Variants in COL22A1 observed in about 807,000 individuals in gnomAD.
COL22A1 encodes the protein collagen type XXII alpha 1 chain.
In COL22A1, 221 loss-of-function variants were observed where a neutral mutation model predicts 248.9. The observed-to-expected ratio is 0.89, with a 90% confidence interval of 0.80 to 0.99. The LOEUF (loss-of-function observed/expected upper bound fraction) is 0.99, where lower values mean the gene tolerates loss of function less well. Ranked by LOEUF, COL22A1 falls within the 50% of genes least tolerant of loss-of-function variation. The pLI, the probability that COL22A1 is intolerant of heterozygous loss-of-function variation, is 0.00. For missense variants in COL22A1, 2,240 were observed against 2,179.0 expected, an observed-to-expected ratio of 1.03 and a Z score of -0.56; for synonymous variants, 891 against 793.4, an observed-to-expected ratio of 1.12 and a Z score of -2.07.
rs1470306545 is a variant in COL22A1 at position 138,885,990 on chromosome 8, TTATA to T, written c.-72-2750_-72-2747del. On this transcript the variant is annotated intron_variant, in intron 1 of 64. Transcript: ENST00000303045. ...CTTGGTTTTCCAACAACCCATTAGG[TTATA>T]TCTATCCTCCAAATTTTGCCCACAG... is the stretch of plus-strand genomic sequence containing the variant. Among the ~76,000 whole-genome samples the T allele has an allele frequency of 2.8e-4, 42 of 152,154 alleles. 1 individual carries two copies.
At chr8:138,679,762 T>C (rs1825821424) in intron 39 of COL22A1, 86 bp from the exon 40 acceptor site, 2 of 1,175,982 alleles carry the variant, frequency 1.7e-6, no homozygotes, top group Non-Finnish European at 2.5e-6. Flanking sequence ...TGTTAGGTAC[T>C]GGATCTATGC....
At chr8:138,795,014 G>T (rs1318145139) in intron 12 of COL22A1, among the ~76,000 whole-genome samples, 4 of 152,016 alleles carry the variant, frequency 2.6e-5, no homozygotes, top group Admixed American at 2.0e-4. Context: ...CAACAGTACT[G>T]TACTGCACAC....
intron 30 of COL22A1, among the ~76,000 whole-genome samples, chr8:138,713,370 C>T (rs142837461): frequency 2.0e-5 from 3 of 152,212 alleles, no homozygotes; most frequent in African/African-American, 4.8e-5. Context: ...GGGGTTAAGA[C>T]GAAAATGACT....
chr8:138,690,863 T>TC lies in COL22A1; in HGVS notation c.2765dup (p.His923ThrfsTer31). On this transcript the variant is annotated frameshift_variant, in exon 36 of 65. Coordinates refer to ENST00000303045, the MANE Select transcript of COL22A1 (RefSeq NM_152888.3). LOFTEE classifies it high-confidence loss of function. The stretch of plus-strand genomic sequence containing the variant: ...CACTGGGACCGGGGGCACCGACATG[T>TC]CCGGGAGCACCCTGTTCAGAGACAG... The TC allele has an allele frequency of 1.2e-6, 2 of 1,610,720 alleles. No homozygotes were observed. The highest frequency in any genetic ancestry group is 8.5e-7 in the Non-Finnish European group (1 of 1,178,568).
At chr8:138,838,612 G>A (rs1305189501) in intron 4 of COL22A1, among the ~76,000 whole-genome samples, 1 of 146,202 alleles carries the variant, frequency 6.8e-6, no homozygotes, top group Admixed American at 7.0e-5. Context: ...AAAACAAAGA[G>A]TTGAATACAA....
At position 138,716,812 on chromosome 8, in the gene COL22A1, C is replaced by A; in HGVS notation, c.2400+13G>T. ...TGAATAAAATGAATGAATAAAAGCA[C>A]AAACAAACAGACCTTCTCTCCAGGT... On this transcript the variant is annotated intron_variant, in intron 28 of 64. Coordinates refer to ENST00000303045, the MANE Select transcript of COL22A1 (RefSeq NM_152888.3). 9 of 1,597,920 alleles carry A rather than the reference C, an allele frequency of 5.6e-6. No individual in the cohort carries two copies. The highest frequency in any genetic ancestry group is 7.7e-6 in the Non-Finnish European group (9 of 1,165,544).
intron 15 of COL22A1, 163 bp downstream of exon 15, chr8:138,778,190 C>A: frequency 1.3e-6 from 1 of 756,424 alleles, no homozygotes; most frequent in Admixed American, 2.1e-5. Context: ...ACTGTAACAT[C>A]TAATAATTTC....
rs141992049 is a variant in COL22A1 at position 138,821,233 on chromosome 8, G to A, written c.1148C>T (p.Ala383Val). 220 of 1,614,184 alleles carry A rather than the reference G, an allele frequency of 1.4e-4. No individual in the cohort carries two copies. The African/African-American group carries it at 1.6e-3, about 12-fold the overall frequency. ...AQNVSLHIDC[A>V]LVQTLPIEER... ...CTCGATGGGTAGTGTCTGCACCAGC[G>A]CACAGTCAATGTGCAGGGAGACGTT... The change falls in exon 7 of 65, where the codon GCG becomes GTG. Residue 383 changes from alanine to valine, a missense_variant. By Grantham distance (64) the Ala-to-Val change is moderately conservative (BLOSUM62 0). Transcript: ENST00000303045.
chr8:138,786,868 C>T (rs1350032019), intron 12 of COL22A1, among the ~76,000 whole-genome samples: 4 of 152,110 alleles, frequency 2.6e-5, no homozygotes, highest in Admixed American at 2.0e-4. Flanking sequence ...CATGCCACTG[C>T]ACTCCAGCCT....
At position 138,676,457 on chromosome 8, in the gene COL22A1, G is replaced by GAAA. The variant is rs1459299929; in HGVS notation, c.3150+100_3150+101insTTT. 1.3e-3 allele frequency: 760 copies of GAAA among 584,738 alleles called. 3 individuals are homozygous for GAAA. Among genetic ancestry groups the GAAA allele is most frequent in the African/African-American group, 8.4e-3 (427 of 51,120 alleles). 36.2% of individuals were successfully genotyped at this position (584,738 alleles called of 1,614,324 possible). On this transcript the variant is annotated intron_variant, in intron 41 of 64. Coordinates refer to ENST00000303045, the MANE Select transcript of COL22A1 (RefSeq NM_152888.3). ...AGAAAGAAAGAAAGAAAGAAAGAAAGGAAGAAAGAAAGAAAGAAAAGAGTG... is the reference window on the plus strand; with the variant it reads ...AGAAAGAAAGAAAGAAAGAAAGAAAGAAAGAAGAAAGAAAGAAAGAAAAGAGTG...
intron 5 of COL22A1, 44 bp downstream of exon 5, chr8:138,832,995 C>T (rs371628518): frequency 2.2e-6 from 3 of 1,358,322 alleles, no homozygotes; most frequent in African/African-American, 2.9e-5. Flanking sequence ...TTGCCCTTTC[C>T]CATGACACCC....
intron 10 of COL22A1, among the ~76,000 whole-genome samples, chr8:138,806,342 G>C (rs57108963): frequency 0.35 from 52,784 of 151,580 alleles, 10,462 homozygotes; most frequent in African/African-American, 0.55. Flanking sequence ...GATGGTTTGT[G>C]TGTGTGTCCG....
chr8:138,780,952 C>T lies in COL22A1; in HGVS notation c.1625G>A (p.Gly542Glu). 6.2e-7 allele frequency: 1 copy of T among 1,611,930 alleles called. No individual in the cohort carries two copies. The highest frequency in any genetic ancestry group is 8.5e-7 in the Non-Finnish European group (1 of 1,179,340). Residue 542 changes from glycine (G) to glutamate (E), a missense_variant, in exon 13 of 65, where the codon GGG becomes GAG. Physicochemically the swap from Gly to Glu is moderately conservative, Grantham distance 98. Transcript: ENST00000303045. ...TCTCATGCCTTTGCTGCCGTCTCTC[C>T]CAGGGGGGCCGGGCAGGCCCAGGGA... ...KGSLGLPGPP[G>E]RDGSKGMRGE...
chr8:138,674,463 A>G (rs6997633), intron 41 of COL22A1, among the ~76,000 whole-genome samples: 70,562 of 152,130 alleles, frequency 0.46, 18,825 homozygotes, highest in East Asian at 0.72. Context: ...TGAAAATTCA[A>G]TAAGGTTTTA....
intron 1 of COL22A1, among the ~76,000 whole-genome samples, chr8:138,910,728 T>A (rs1815393949): frequency 6.6e-6 from 1 of 152,206 alleles, no homozygotes. Flanking sequence ...AAGGCCCGCA[T>A]CATTCCCAGC....
chr8:138,809,528 C>CTTTTTCTTTTTTTTTTTTTTTTTT (rs1554633655), intron 9 of COL22A1, among the ~76,000 whole-genome samples: 4 of 117,628 alleles, frequency 3.4e-5, no homozygotes, highest in Non-Finnish European at 5.3e-5. Context: ...TTTTCTTTTT[C>CTTTTTCTTTTTTTTTTTTTTTTTT]TTTTTTTTTT....
At chr8:138,831,270 G>T (rs1164673764) in intron 5 of COL22A1, among the ~76,000 whole-genome samples, 1 of 152,124 alleles carries the variant, frequency 6.6e-6, no homozygotes, top group African/African-American at 2.4e-5. Context: ...TGCCAGACTA[G>T]CATCTGAAAG....
chr8:138,602,292 C>T, intron 59 of COL22A1, 133 bp from the exon 60 acceptor site: 64 of 759,664 alleles, frequency 8.4e-5, no homozygotes, highest in South Asian at 2.7e-4. Flanking sequence ...CCGAGGGCTC[C>T]TTTCTGATTT....
At chr8:138,744,151 C>A (rs1831922703) in intron 22 of COL22A1, among the ~76,000 whole-genome samples, 1 of 152,078 alleles carries the variant, frequency 6.6e-6, no homozygotes, top group Non-Finnish European at 1.5e-5. Context: ...ACTGTTACCA[C>A]CTGGTAGAGC....
Sources: gnomAD v4.1 joint callset for allele counts (sites outside exome capture counted in the v4.1 genomes callset) on GRCh38, gnomAD v4.1.1 for gene constraint, MANE v1.5 for transcripts, NCBI Gene and HGNC (gene_info 2026-07-23, HGNC 2026-07-21) for gene names.